COP1: variants seen among roughly 807,000 people sequenced by gnomAD.
COP1 encodes the protein COP1 E3 ubiquitin ligase, also known as E3 ubiquitin-protein ligase COP1.
COP1 carries 24 observed loss-of-function variants against 101.3 expected under a neutral mutation model. The ratio of observed to expected loss-of-function variants is 0.24; its 90% CI spans 0.17 to 0.33. COP1 has a LOEUF of 0.33. Ranked by LOEUF, COP1 falls within the 10% of genes least tolerant of loss-of-function variation. The pLI is 1.00. For missense variants in COP1, 663 were observed against 906.2 expected, an observed-to-expected ratio of 0.73 and a Z score of 3.45; for synonymous variants, 347 against 341.9, an observed-to-expected ratio of 1.01 and a Z score of -0.17.
At chr1:176,141,043 C>A (rs911732451) in intron 6 of COP1, among the ~76,000 whole-genome samples, 3 of 152,154 alleles carry the variant, frequency 2.0e-5, no homozygotes, top group Non-Finnish European at 4.4e-5. Flanking sequence ...AGGTAGGTAT[C>A]ATTGGTACTC....
chr1:176,091,976 GA>G (rs1360141031), intron 9 of COP1, among the ~76,000 whole-genome samples: 2 of 151,958 alleles, frequency 1.3e-5, no homozygotes, highest in African/African-American at 4.8e-5. Flanking sequence ...GATTCAAGAT[GA>G]AAAACATTAA....
intron 9 of COP1, 118 bp downstream of exon 9, chr1:176,116,506 C>T (rs905492797): frequency 9.4e-6 from 7 of 748,316 alleles, no homozygotes; most frequent in Middle Eastern, 3.2e-4. Flanking sequence ...CTAATCAACA[C>T]CACTGCATTC....
At chr1:175,977,529 C>T (rs1310336318) in intron 18 of COP1, among the ~76,000 whole-genome samples, 2 of 151,688 alleles carry the variant, frequency 1.3e-5, no homozygotes, top group Admixed American at 6.6e-5. Flanking sequence ...ATTTGGGAAA[C>T]TGGTGAATAA....
chr1:175,955,073 C>A lies in COP1; in HGVS notation c.2134-7834G>T, dbSNP rs989675824. 2.0e-5 allele frequency among the ~76,000 whole-genome samples: 3 copies of A among 151,978 alleles called. No homozygotes were observed. The East Asian group carries it at 5.8e-4, about 29-fold the overall frequency. On this transcript the variant is annotated intron_variant, in intron 18 of 19. Coordinates refer to ENST00000367669, the MANE Select transcript of COP1 (RefSeq NM_022457.7). ...GACCAGCCTGGGCAATATGGCGAAA[C>A]CCTCTCTATCAAAAACACAAAAAAT...
chr1:176,175,381 T>C (rs749359081), intron 3 of COP1, among the ~76,000 whole-genome samples: 3 of 152,200 alleles, frequency 2.0e-5, no homozygotes, highest in African/African-American at 4.8e-5. Flanking sequence ...ACTGGTTTCA[T>C]AGAGAACAAT....
intron 9 of COP1, among the ~76,000 whole-genome samples, chr1:176,087,818 C>T (rs1680496147): frequency 6.6e-6 from 1 of 152,130 alleles, no homozygotes; most frequent in African/African-American, 2.4e-5. Flanking sequence ...ATGTTTATTG[C>T]AGCACTATTC....
intron 15 of COP1, among the ~76,000 whole-genome samples, chr1:175,991,652 T>C (rs1044011044): frequency 6.6e-6 from 1 of 152,234 alleles, no homozygotes; most frequent in African/African-American, 2.4e-5. Flanking sequence ...TTAAAACACA[T>C]ACATTGTACA....
intron 9 of COP1, among the ~76,000 whole-genome samples, chr1:176,090,773 T>C (rs1572173203): frequency 6.6e-6 from 1 of 152,122 alleles, no homozygotes; most frequent in African/African-American, 2.4e-5. Context: ...AAAAGAATAA[T>C]AGTTTGAAAT....
At chr1:176,028,358 G>A (rs1279139880) in intron 14 of COP1, among the ~76,000 whole-genome samples, 1 of 151,816 alleles carries the variant, frequency 6.6e-6, no homozygotes, top group Non-Finnish European at 1.5e-5. Flanking sequence ...GAGCTCAGGA[G>A]TTAAGAGACT....
rs749006916 is a variant in COP1, at chr1:176,206,632, A to G, written c.347T>C (p.Leu116Pro). Residue 116 changes from leucine to proline, a missense_variant, in exon 1 of 20, where the codon CTC becomes CCC. Leu to Pro is a moderately conservative substitution (Grantham distance 98, BLOSUM62 -3). This residue lies in a region of COP1 where 204 missense variants were observed against 203.6 expected (regional missense o/e 1.00). Coordinates refer to ENST00000367669, the MANE Select transcript of COP1 (RefSeq NM_022457.7). ...GATGAGCCCGTTGCAGAGGGGGGCG[A>G]GGAGAGGTCGCTTCCTGCTGCCGCT... ...LGSGSRKRPL[L>P]APLCNGLINS... is the part of the protein sequence containing the mutation. The G allele has an allele frequency of 1.2e-6, 2 of 1,612,070 alleles. No homozygotes were observed. Among genetic ancestry groups the G allele is most frequent in the Non-Finnish European group, 1.7e-6 (2 of 1,179,994 alleles).
chr1:176,099,199 C>T (rs892873003), intron 9 of COP1, among the ~76,000 whole-genome samples: 3 of 152,098 alleles, frequency 2.0e-5, no homozygotes, highest in Non-Finnish European at 4.4e-5. Context: ...TTATAACAAG[C>T]TATAGGACTC....
intron 9 of COP1, among the ~76,000 whole-genome samples, chr1:176,113,631 GAC>G (rs1685665990): frequency 6.6e-6 from 1 of 151,930 alleles, no homozygotes; most frequent in East Asian, 1.9e-4. Context: ...TCCAGCCAAA[GAC>G]CAATTAAAAA....
intron 5 of COP1, among the ~76,000 whole-genome samples, chr1:176,150,772 T>A (rs1292417005): frequency 6.6e-6 from 1 of 152,164 alleles, no homozygotes; most frequent in Non-Finnish European, 1.5e-5. Context: ...TGCAATTAAC[T>A]TGTAGAAAGA....
chr1:176,084,896 A>C (rs745494965), intron 10 of COP1, among the ~76,000 whole-genome samples: 1 of 151,916 alleles, frequency 6.6e-6, no homozygotes, highest in Non-Finnish European at 1.5e-5. Context: ...CAGATGCCTC[A>C]TTAATGACCT....
intron 15 of COP1, among the ~76,000 whole-genome samples, chr1:176,025,705 C>T (rs1667546863): frequency 6.6e-6 from 1 of 151,918 alleles, no homozygotes. Flanking sequence ...GCCTGAGCAA[C>T]ATGGCAAAAC....
intron 1 of COP1, among the ~76,000 whole-genome samples, chr1:176,201,981 C>T (rs1700308499): frequency 6.6e-6 from 1 of 151,978 alleles, no homozygotes; most frequent in South Asian, 2.1e-4. Flanking sequence ...TATATTTAGT[C>T]CTATATTTAT....
At chr1:176,044,897 C>T (rs973703242) in intron 12 of COP1, among the ~76,000 whole-genome samples, 2 of 152,114 alleles carry the variant, frequency 1.3e-5, no homozygotes, top group African/African-American at 4.8e-5. Flanking sequence ...TTCTAATCCA[C>T]GTTTTCATTA....
At chr1:176,003,115 G>C (rs1330083589) in intron 15 of COP1, among the ~76,000 whole-genome samples, 2 of 152,072 alleles carry the variant, frequency 1.3e-5, no homozygotes, top group Non-Finnish European at 2.9e-5. Context: ...CAGTGATGAT[G>C]AGCATTTTTT....
intron 15 of COP1, among the ~76,000 whole-genome samples, chr1:176,005,046 C>T (rs529665760): frequency 3.1e-4 from 47 of 152,084 alleles, no homozygotes; most frequent in South Asian, 2.5e-3. Flanking sequence ...TATTGGTCTA[C>T]TCAGAGATTC....
Sources: gnomAD v4.1 joint callset for allele counts (sites outside exome capture counted in the v4.1 genomes callset) on GRCh38, gnomAD v4.1.1 for gene constraint, gnomAD v4.1.1 regional missense constraint, MANE v1.5 for transcripts, NCBI Gene and HGNC (gene_info 2026-07-23, HGNC 2026-07-21) for gene names.